The following DRGX variants were observed in gnomAD, a reference collection of about 807,000 sequenced individuals.
DRGX encodes dorsal root ganglia homeobox, also known as dorsal root ganglia homeobox protein.
DRGX carries 21 observed loss-of-function variants against 28.6 expected under a neutral mutation model. That is an observed-to-expected ratio of 0.73 (90% confidence interval 0.52 to 1.06). DRGX has a LOEUF of 1.06. DRGX is among the 50% of genes least tolerant of loss of function. The pLI, the probability that DRGX is intolerant of heterozygous loss-of-function variation, is 0.00. For synonymous variants in DRGX, 136 were observed against 139.1 expected, an observed-to-expected ratio of 0.98 and a Z score of 0.16; for missense variants, 354 against 343.9, an observed-to-expected ratio of 1.03 and a Z score of -0.23.
At chr10:49,395,378 G>A (rs1295094280) in intron 2 of DRGX, 29 bp downstream of exon 2, 1 of 1,548,006 alleles carries the variant, frequency 6.5e-7, no homozygotes, top group African/African-American at 1.4e-5. Context: ...CTGGCTTCAT[G>A]GAGACCCTGG....
intron 6 of DRGX, among the ~76,000 whole-genome samples, chr10:49,377,537 G>A (rs1849729143): frequency 6.6e-6 from 1 of 152,184 alleles, no homozygotes; most frequent in Non-Finnish European, 1.5e-5. Flanking sequence ...TACCCATTCT[G>A]GGTGTGACCC....
At chr10:49,368,236 G>A (rs150980457) in intron 6 of DRGX, among the ~76,000 whole-genome samples, 93 of 152,330 alleles carry the variant, frequency 6.1e-4, no homozygotes, top group African/African-American at 2.1e-3. Context: ...GTAGAGATGG[G>A]ACCAGAACCT....
rs191525338 is a variant in DRGX at position 49,364,873 on chromosome 10, A to G, written c.*1243T>C. 3.9e-5 allele frequency: 6 copies of G among 152,360 alleles called. No individual in the cohort carries two copies. The East Asian group carries it at 1.2e-3, about 29-fold the overall frequency. The allele number at this position is 152,360 out of a possible 1,614,324, so 9.4% of individuals were successfully genotyped here. ...GAAGGCAATAACCATCCGCATGGAA[A>G]CACCATCAGCAAAAGCCACCAAAGA... is the stretch of plus-strand genomic sequence containing the variant. On this transcript the variant is annotated 3_prime_UTR_variant, in exon 7 of 7. Coordinates refer to ENST00000374139, the MANE Select transcript of DRGX (RefSeq NM_001276451.2).
Position 49,395,496 on chromosome 10 carries a change from G to C in DRGX, c.-56C>G. Reference sequence around the variant, plus strand: ...GACCTGGGAGGGTGGCAGCAGAACGGACCCGCGCGCGTTGCTCCTGCCTGG... The same window carrying C: ...GACCTGGGAGGGTGGCAGCAGAACGCACCCGCGCGCGTTGCTCCTGCCTGG... On this transcript the variant is annotated 5_prime_UTR_variant, in exon 2 of 7. Coordinates refer to ENST00000374139, the MANE Select transcript of DRGX (RefSeq NM_001276451.2). 1.9e-6 allele frequency: 3 copies of C among 1,541,554 alleles called. No individual in the cohort carries two copies. The highest frequency in any genetic ancestry group is 2.6e-6 in the Non-Finnish European group (3 of 1,140,582).
intron 6 of DRGX, among the ~76,000 whole-genome samples, chr10:49,372,262 C>A (rs1286712292): frequency 6.6e-6 from 1 of 152,186 alleles, no homozygotes; most frequent in Non-Finnish European, 1.5e-5. Flanking sequence ...TAGAAAAGGT[C>A]TACCCTAAAA....
intron 6 of DRGX, among the ~76,000 whole-genome samples, chr10:49,369,519 G>A (rs534657601): frequency 1.5e-3 from 228 of 152,296 alleles, no homozygotes; most frequent in Non-Finnish European, 2.3e-3. Context: ...AATCCTGCAG[G>A]AGTCCTCTTC....
At chr10:49,390,090 AG>A (rs1245597817) in intron 4 of DRGX, 42 bp downstream of exon 4, 11 of 1,540,456 alleles carry the variant, frequency 7.1e-6, no homozygotes, top group Non-Finnish European at 8.7e-6. Flanking sequence ...AAAGTTTGCC[AG>A]TTTTAATATT....
intron 6 of DRGX, among the ~76,000 whole-genome samples, chr10:49,374,526 G>C (rs542028048): frequency 6.6e-6 from 1 of 152,274 alleles, no homozygotes; most frequent in South Asian, 2.1e-4. Context: ...AATTCAGCCT[G>C]AGAACATGCT....
At chr10:49,367,104 C>G (rs1849609608) in intron 6 of DRGX, among the ~76,000 whole-genome samples, 1 of 152,170 alleles carries the variant, frequency 6.6e-6, no homozygotes, top group Non-Finnish European at 1.5e-5. Context: ...ACCTACAATC[C>G]CAACAGTTTG....
At chr10:49,381,117 C>T (rs1849771754) in intron 6 of DRGX, among the ~76,000 whole-genome samples, 1 of 152,258 alleles carries the variant, frequency 6.6e-6, no homozygotes, top group Admixed American at 6.5e-5. Context: ...AGCCACTGTG[C>T]TAGTCAGCTG....
In DRGX at chr10:49,395,369, TGGCTTCATGGAGACCCTG is replaced by T. The variant is rs768219484; in HGVS notation, c.34+20_34+37del. 707 of 1,549,190 alleles carry T rather than the reference TGGCTTCATGGAGACCCTG, an allele frequency of 4.6e-4. 8 individuals carry two copies. In the Admixed American group the frequency reaches 0.013, roughly 28 times the overall value. Reference sequence around the variant, plus strand: ...CGCTCCGGCCCTTTCTGGCCGGCTCTGGCTTCATGGAGACCCTGGGGCGCAGCGCTTACTTACCCTCTA... The same window carrying T: ...CGCTCCGGCCCTTTCTGGCCGGCTCTGGGCGCAGCGCTTACTTACCCTCTA... On this transcript the variant is annotated intron_variant, in intron 2 of 6. Transcript: ENST00000374139.
intron 6 of DRGX, among the ~76,000 whole-genome samples, chr10:49,382,092 A>G (rs373111798): frequency 6.6e-6 from 1 of 151,942 alleles, no homozygotes; most frequent in African/African-American, 2.4e-5. Context: ...TATGACTGTC[A>G]CTACTTGCTG....
At chr10:49,382,918 T>G (rs1007190691) in intron 6 of DRGX, among the ~76,000 whole-genome samples, 6 of 152,210 alleles carry the variant, frequency 3.9e-5, no homozygotes, top group African/African-American at 1.2e-4. Context: ...GTGTCCCACC[T>G]GCTGGAGAGG....
chr10:49,373,498 T>C (rs1383753277), intron 6 of DRGX, among the ~76,000 whole-genome samples: 1 of 152,102 alleles, frequency 6.6e-6, no homozygotes, highest in East Asian at 1.9e-4. Context: ...GGTGACAGCA[T>C]TGGGAGGTGG....
At chr10:49,372,856 T>G (rs1190567507) in intron 6 of DRGX, among the ~76,000 whole-genome samples, 2 of 152,274 alleles carry the variant, frequency 1.3e-5, no homozygotes, top group African/African-American at 4.8e-5. Context: ...GGCCAAAAAG[T>G]AATTTATACT....
At chr10:49,373,049 A>G (rs1326611503) in intron 6 of DRGX, among the ~76,000 whole-genome samples, 8 of 152,238 alleles carry the variant, frequency 5.3e-5, no homozygotes, top group Non-Finnish European at 1.2e-4. Flanking sequence ...AATTGGAACA[A>G]TAAAGAGAAG....
intron 6 of DRGX, among the ~76,000 whole-genome samples, chr10:49,370,734 CAG>C (rs371963726): frequency 3.1e-3 from 474 of 152,306 alleles, no homozygotes; most frequent in African/African-American, 0.011. Flanking sequence ...TAAAAGCAAA[CAG>C]GGGACAAATC....
intron 2 of DRGX, among the ~76,000 whole-genome samples, chr10:49,393,256 T>C (rs2132488298): frequency 6.6e-6 from 1 of 152,324 alleles, no homozygotes; most frequent in East Asian, 1.9e-4. Context: ...CCAAGATATA[T>C]TACAAAGTAA....
At chr10:49,391,339 CACCCACCTG>C (rs1446206432) in intron 2 of DRGX, 78 bp from the exon 3 acceptor site, 5 of 1,183,668 alleles carry the variant, frequency 4.2e-6, no homozygotes, top group Non-Finnish European at 5.0e-6. Flanking sequence ...GTTCAGAGGG[CACCCACCTG>C]ACCCACCAGA....
Sources: allele counts gnomAD v4.1 joint callset (sites outside exome capture counted in the v4.1 genomes callset), GRCh38; gene constraint gnomAD v4.1.1; transcripts MANE v1.5; gene names NCBI Gene and HGNC (gene_info 2026-07-23, HGNC 2026-07-21).